The following SPTB variants were observed in gnomAD, a reference collection of about 807,000 sequenced individuals.
SPTB encodes spectrin beta chain, erythrocytic.
Under a neutral mutation model 256.2 loss-of-function variants are expected in SPTB, and 45 were observed. The observed-to-expected ratio is 0.18, with a 90% CI of 0.14 to 0.23. The LOEUF is 0.23. SPTB is among the 10% of genes least tolerant of loss of function. The pLI is 1.00. For synonymous variants in SPTB, 1,231 were observed against 1,243.1 expected (o/e 0.99, Z 0.21); for missense variants, 2,715 against 3,040.4 (o/e 0.89, Z 2.52).
Position 64,772,138 on chromosome 14 carries a change from T to G in SPTB, c.5553+442A>C, listed in dbSNP as rs1353588320. On this transcript the variant is annotated intron_variant, in intron 26 of 35. Transcript: ENST00000644917. The surrounding 1 kb of genome is among the most constrained non-coding windows in gnomAD (Gnocchi z 5.4). Reference sequence around the variant, plus strand: ...AGACTGCCAGGGTCTGAGCCCTGGCTCCACTTCGTACCTACATGTTCCTGG... The same window carrying G: ...AGACTGCCAGGGTCTGAGCCCTGGCGCCACTTCGTACCTACATGTTCCTGG... 6.6e-6 allele frequency among the ~76,000 whole-genome samples: 1 copy of G among 152,170 alleles called. No homozygotes were observed. Among genetic ancestry groups the G allele is most frequent in the Non-Finnish European group, 1.5e-5 (1 of 68,012 alleles).
Position 64,758,805 on chromosome 14 carries a change from C to G in SPTB, c.6346-5012G>C, listed in dbSNP as rs924964635. ...CACGGGGGAGGAGGGGTGTGGGAGC[C>G]TGACACAGCCCTGCAAGTATGTGAG... On this transcript the variant is annotated intron_variant, in intron 32 of 35. Coordinates refer to ENST00000644917, the MANE Select transcript of SPTB (RefSeq NM_001355436.2). This position sits in a 1 kb window ranked among gnomAD's most constrained non-coding sequence, Gnocchi z 4.6. Among the ~76,000 whole-genome samples, 4 of 152,134 alleles carry G rather than the reference C, an allele frequency of 2.6e-5. No homozygotes were observed. Among genetic ancestry groups the G allele is most frequent in the Non-Finnish European group, 5.9e-5 (4 of 68,028 alleles).
intron 3 of SPTB, 28 bp downstream of exon 3, chr14:64,804,911 G>A: frequency 6.2e-7 from 1 of 1,613,388 alleles, no homozygotes; most frequent in Non-Finnish European, 8.5e-7. Flanking sequence ...GATGGCAGCA[G>A]CCCCGGGGCC....
intron 32 of SPTB, among the ~76,000 whole-genome samples, chr14:64,762,007 G>A (rs1035762774): frequency 6.6e-6 from 1 of 152,122 alleles, no homozygotes; most frequent in Non-Finnish European, 1.5e-5. Context: ...GAACAGAGGG[G>A]CCAGGAATAT....
chr14:64,866,783 T>C lies in SPTB; in HGVS notation c.-52+13009A>G, dbSNP rs569183393. Among the ~76,000 whole-genome samples, 1 of 152,326 alleles carries C rather than the reference T, an allele frequency of 6.6e-6. No individual in the cohort carries two copies. The highest frequency in any genetic ancestry group is 1.9e-4 in the East Asian group (1 of 5,190). ...AATACTGTAATATATTACAAGGTAG[T>C]TCCTACTTTGACATGCCTTAAGGAC... On this transcript the variant is annotated intron_variant, in intron 1 of 35. Coordinates refer to ENST00000644917, the MANE Select transcript of SPTB (RefSeq NM_001355436.2). This position sits in a 1 kb window ranked among gnomAD's most constrained non-coding sequence, Gnocchi z 4.6.
In SPTB at chr14:64,785,090, G is replaced by T. The variant is rs1464673181; in HGVS notation, c.3855+447C>A. On this transcript the variant is annotated intron_variant, in intron 18 of 35. Coordinates refer to ENST00000644917, the MANE Select transcript of SPTB (RefSeq NM_001355436.2). The surrounding 1 kb of genome is among the most constrained non-coding windows in gnomAD (Gnocchi z 4.4). ...GGACCCAGGGGTCTGCTTTAACTAGGACCAGGACTGGCTCCATAATTTGCA... is the reference window on the plus strand; with the variant it reads ...GGACCCAGGGGTCTGCTTTAACTAGTACCAGGACTGGCTCCATAATTTGCA... 6.6e-6 allele frequency among the ~76,000 whole-genome samples: 1 copy of T among 152,164 alleles called. No homozygotes were observed. The highest frequency in any genetic ancestry group is 1.5e-5 in the Non-Finnish European group (1 of 68,032).
intron 1 of SPTB, among the ~76,000 whole-genome samples, chr14:64,835,336 C>A (rs574353779): frequency 6.6e-6 from 1 of 152,296 alleles, no homozygotes; most frequent in South Asian, 2.1e-4. Context: ...GAAACCTCCG[C>A]CTCTTGGGTT....
At chr14:64,878,193 T>C (rs568543478) in intron 1 of SPTB, among the ~76,000 whole-genome samples, 2 of 152,310 alleles carry the variant, frequency 1.3e-5, no homozygotes, top group East Asian at 1.9e-4. Flanking sequence ...TGTCTTTCAA[T>C]GGTGCTTTAC....
chr14:64,773,573 G>T, intron 24 of SPTB, 149 bp from the exon 25 acceptor site: 1 of 857,996 alleles, frequency 1.2e-6, no homozygotes, highest in Non-Finnish European at 1.9e-6. Flanking sequence ...CTTTGCCGGG[G>T]AAGAGCTGGG....
rs527677325 is a variant in SPTB at position 64,834,928 on chromosome 14, C to A, written c.-51-11783G>T. Among the ~76,000 whole-genome samples, 7 of 152,298 alleles carry A rather than the reference C, an allele frequency of 4.6e-5. No individual in the cohort carries two copies. In the East Asian group the frequency reaches 1.3e-3, roughly 29 times the overall value. The stretch of plus-strand genomic sequence containing the variant: ...ATGTCAGTCTTAGAATGGTTTCCAT[C>A]CATACATATTTGCCTCACAAACAAA... On this transcript the variant is annotated intron_variant, in intron 1 of 35. Transcript: ENST00000644917.
intron 2 of SPTB, among the ~76,000 whole-genome samples, chr14:64,813,955 CG>C (rs1338059638): frequency 6.6e-5 from 10 of 152,320 alleles, no homozygotes; most frequent in Admixed American, 5.2e-4. Flanking sequence ...ACAAATTCTA[CG>C]GTTTCTGTTT....
chr14:64,791,565 CAA>C lies in SPTB; in HGVS notation c.2804+152_2804+153del, dbSNP rs563905446. ...TGGGTAAAAGAGTGAGGTTCTGTGT[CAA>C]AAAAAAAAAAAAAAAAAAAAAAAAG... On this transcript the variant is annotated intron_variant, in intron 15 of 35. Coordinates refer to ENST00000644917, the MANE Select transcript of SPTB (RefSeq NM_001355436.2). 0.13 allele frequency among the ~76,000 whole-genome samples: 5,928 copies of C among 45,406 alleles called. 113 individuals are homozygous for C. The highest frequency in any genetic ancestry group is 0.21 in the South Asian group (238 of 1,160). 29.8% of individuals were successfully genotyped at this position (45,406 alleles called of 152,430 possible). A position where few individuals can be genotyped will look rare whatever the true frequency, so the allele number is the denominator to read the frequency against.
At chr14:64,832,426 T>C (rs535806184) in intron 1 of SPTB, among the ~76,000 whole-genome samples, 1 of 152,234 alleles carries the variant, frequency 6.6e-6, no homozygotes, top group Non-Finnish European at 1.5e-5. Context: ...TGTGGGCTAC[T>C]CTTCCTTGGC....
Position 64,878,749 on chromosome 14 carries a change from C to T in SPTB, c.-52+1043G>A, listed in dbSNP as rs140325155. Among the ~76,000 whole-genome samples the T allele has an allele frequency of 1.1e-3, 169 of 152,304 alleles. No individual in the cohort carries two copies. The East Asian group carries it at 0.012, about 11-fold the overall frequency. On this transcript the variant is annotated intron_variant, in intron 1 of 35. Coordinates refer to ENST00000644917, the MANE Select transcript of SPTB (RefSeq NM_001355436.2). ...CCTAGTCTCTCCCCACAGAAATTCT[C>T]AGTACAAAAAGGCTGTCACTATATC...
chr14:64,761,570 G>T (rs2082097410), intron 32 of SPTB, among the ~76,000 whole-genome samples: 1 of 152,218 alleles, frequency 6.6e-6, no homozygotes, highest in Non-Finnish European at 1.5e-5. Flanking sequence ...TGGCCAAGAT[G>T]ACAGGTAGGG....
rs763236697 is a variant in SPTB, at chr14:64,785,931, C to T, written c.3582G>A (p.Leu1194=). 2 of 1,613,992 alleles carry T rather than the reference C, an allele frequency of 1.2e-6. No homozygotes were observed. The highest frequency in any genetic ancestry group is 2.7e-5 in the African/African-American group (2 of 74,908). ...LSNQEYTLAH[L]EPPDSLEAAE... ...CAGCTTCCAGGGAGTCTGGGGGCTC[C>T]AAGTGAGCCAGAGTGTATTCCTGTT... Residue 1194 remains leucine (L), a synonymous_variant, in exon 17 of 36, where the codon TTG becomes TTA. Transcript: ENST00000644917. This position sits in a 1 kb window ranked among gnomAD's most constrained non-coding sequence, Gnocchi z 4.4.
At chr14:64,814,340 A>T (rs2083148377) in intron 2 of SPTB, among the ~76,000 whole-genome samples, 1 of 152,218 alleles carries the variant, frequency 6.6e-6, no homozygotes, top group African/African-American at 2.4e-5. Flanking sequence ...TATAGATAAC[A>T]CTTAATATAT....
Position 64,786,832 on chromosome 14 carries a change from C to T in SPTB, c.3133G>A (p.Gly1045Ser), listed in dbSNP as rs1228426231. The change falls in exon 16 of 36, where the codon GGC becomes AGC. Residue 1045 changes from glycine (G) to serine (S), a missense_variant. Around this residue, in one of 4 missense-constraint regions of SPTB, gnomAD observed 2,239 missense variants for 2,384.4 expected, o/e 0.94. Coordinates refer to ENST00000644917, the MANE Select transcript of SPTB (RefSeq NM_001355436.2). The surrounding 1 kb of genome is among the most constrained non-coding windows in gnomAD (Gnocchi z 5.6). ...TGGCCCTGCAGGGATTGCTGCAGGC[C>T]CTGCCACAGCTCCTCCAAGTGTTTT... ...RQKHLEELWQ[G>S]LQQSLQGQED... 8 of 1,613,834 alleles carry T rather than the reference C, an allele frequency of 5.0e-6. No homozygotes were observed. The highest frequency in any genetic ancestry group is 6.8e-6 in the Non-Finnish European group (8 of 1,180,018).
intron 1 of SPTB, among the ~76,000 whole-genome samples, chr14:64,849,731 C>G (rs955505137): frequency 1.3e-5 from 2 of 152,106 alleles, no homozygotes; most frequent in Non-Finnish European, 2.9e-5. Context: ...TTGTTTTAAT[C>G]CACCAAAAGT....
At chr14:64,784,436 C>T (rs1437078079) in intron 18 of SPTB, 43 bp from the exon 19 acceptor site, 9 of 1,611,852 alleles carry the variant, frequency 5.6e-6, no homozygotes, top group African/African-American at 4.0e-5. Flanking sequence ...GAGTATATTT[C>T]TTTGGCAGAG....
Sources: allele counts gnomAD v4.1 joint callset (sites outside exome capture counted in the v4.1 genomes callset), GRCh38; gene constraint gnomAD v4.1.1; regional missense constraint gnomAD v4.1.1; non-coding constraint Gnocchi (gnomAD v3.1); transcripts MANE v1.5; gene names NCBI Gene and HGNC (gene_info 2026-07-23, HGNC 2026-07-21).